The following GPC5 variants were observed in gnomAD, a reference collection of about 807,000 sequenced individuals.
The protein encoded by GPC5 is glypican-5.
Under a neutral mutation model 53.9 loss-of-function variants are expected in GPC5, and 47 were observed. That is an observed-to-expected ratio of 0.87 (90% confidence interval 0.69 to 1.11). GPC5 has a LOEUF of 1.11. Among genes scored for constraint, GPC5 ranks in the 50% most tolerant of loss-of-function variants. The pLI is 0.00. For synonymous variants in GPC5, 286 were observed against 263.3 expected, an observed-to-expected ratio of 1.09 and a Z score of -0.84; for missense variants, 748 against 713.1, an observed-to-expected ratio of 1.05 and a Z score of -0.56.
chr13:92,476,443 G>C (rs1222365703), intron 7 of GPC5, among the ~76,000 whole-genome samples: 3 of 151,428 alleles, frequency 2.0e-5, no homozygotes, highest in South Asian at 2.1e-4. Context: ...TACACTGTTG[G>C]TGGGACTGTA....
intron 7 of GPC5, among the ~76,000 whole-genome samples, chr13:92,170,363 TAAGATAGGACTTCCTATACCCACAAAGC>T (rs2042060709): frequency 6.6e-6 from 1 of 151,250 alleles, no homozygotes; most frequent in Non-Finnish European, 1.5e-5. Flanking sequence ...CATTTTTTTC[TAAGATAGGACTTCCTATACCCACAAAGC>T]AAGTTTTTCT....
At chr13:92,104,829 T>A (rs935493395) in intron 6 of GPC5, among the ~76,000 whole-genome samples, 3 of 152,124 alleles carry the variant, frequency 2.0e-5, no homozygotes, top group African/African-American at 7.2e-5. Flanking sequence ...TTGGTAAATT[T>A]GGGGTGACAG....
intron 7 of GPC5, among the ~76,000 whole-genome samples, chr13:92,634,520 A>G (rs1885353745): frequency 6.6e-6 from 1 of 152,014 alleles, no homozygotes; most frequent in Admixed American, 6.6e-5. Context: ...TCTTTCTCCA[A>G]TTTTACTTTT....
intron 6 of GPC5, among the ~76,000 whole-genome samples, chr13:92,049,502 A>G (rs1462835091): frequency 1.3e-5 from 2 of 152,118 alleles, no homozygotes; most frequent in African/African-American, 4.8e-5. Context: ...GAAATTATAG[A>G]TGTTTATGTA....
intron 5 of GPC5, among the ~76,000 whole-genome samples, chr13:91,905,766 C>T (rs2039546499): frequency 6.6e-6 from 1 of 152,012 alleles, no homozygotes; most frequent in Non-Finnish European, 1.5e-5. Flanking sequence ...TAGTGCAATA[C>T]TCTGCTCAAA....
At chr13:91,941,075 A>G (rs984414324) in intron 6 of GPC5, among the ~76,000 whole-genome samples, 3 of 152,116 alleles carry the variant, frequency 2.0e-5, no homozygotes, top group Non-Finnish European at 2.9e-5. Flanking sequence ...GCCAAGGCTA[A>G]TGTTAAGAAG....
chr13:92,053,403 G>T lies in GPC5; in HGVS notation c.1402-91427G>T, dbSNP rs141762280. Among the ~76,000 whole-genome samples, 767 of 152,240 alleles carry T rather than the reference G, an allele frequency of 5.0e-3. 22 individuals carry two copies. In the East Asian group the frequency reaches 0.078, roughly 15 times the overall value. ...GTCAGCAGAGGGTCTGAGCACAAAC[G>T]TTTGGGCCCATGAAGGTACTGAGCC... On this transcript the variant is annotated intron_variant, in intron 6 of 7. Transcript: ENST00000377067.
At chr13:92,515,926 T>C (rs1293465524) in intron 7 of GPC5, among the ~76,000 whole-genome samples, 1 of 152,206 alleles carries the variant, frequency 6.6e-6, no homozygotes, top group African/African-American at 2.4e-5. Flanking sequence ...CACATTTCTT[T>C]TCATGAATAT....
chr13:92,697,225 T>C (rs1053766245), intron 7 of GPC5, among the ~76,000 whole-genome samples: 1 of 152,188 alleles, frequency 6.6e-6, no homozygotes, highest in African/African-American at 2.4e-5. Context: ...TTTTTTCCAA[T>C]TCTGTGAAGA....
intron 6 of GPC5, among the ~76,000 whole-genome samples, chr13:91,968,994 G>A (rs888380440): frequency 6.6e-6 from 1 of 150,640 alleles, no homozygotes; most frequent in African/African-American, 2.4e-5. Flanking sequence ...TTGAGATGGA[G>A]TCTCCACTCT....
chr13:91,696,076 G>T (rs916371281), intron 3 of GPC5, among the ~76,000 whole-genome samples: 6 of 152,078 alleles, frequency 3.9e-5, no homozygotes, highest in African/African-American at 1.4e-4. Context: ...GGACAGTGTT[G>T]GTCAGAGTCT....
At chr13:92,643,628 C>G (rs546563414) in intron 7 of GPC5, among the ~76,000 whole-genome samples, 1 of 140,344 alleles carries the variant, frequency 7.1e-6, no homozygotes, top group African/African-American at 2.6e-5. Context: ...ATCGCAAGAA[C>G]AAAAAACCAA....
intron 7 of GPC5, among the ~76,000 whole-genome samples, chr13:92,490,572 T>A (rs1477714766): frequency 6.6e-6 from 1 of 152,066 alleles, no homozygotes; most frequent in Non-Finnish European, 1.5e-5. Context: ...TATCCTGAGT[T>A]CTAAAATAAA....
chr13:92,816,291 G>T (rs1182418576), intron 7 of GPC5, among the ~76,000 whole-genome samples: 1 of 152,032 alleles, frequency 6.6e-6, no homozygotes, highest in Non-Finnish European at 1.5e-5. Context: ...ATGTAACTCT[G>T]GGTCTGTTGG....
intron 7 of GPC5, among the ~76,000 whole-genome samples, chr13:92,792,981 C>G (rs1343284779): frequency 6.6e-6 from 1 of 152,096 alleles, no homozygotes; most frequent in East Asian, 1.9e-4. Flanking sequence ...ATGAACGAGA[C>G]AGAAGGTTAT....
At chr13:91,880,174 T>C (rs2039248932) in intron 5 of GPC5, among the ~76,000 whole-genome samples, 1 of 152,102 alleles carries the variant, frequency 6.6e-6, no homozygotes, top group East Asian at 1.9e-4. Flanking sequence ...CTATTTAACA[T>C]TTTTAAAATT....
At chr13:92,592,531 G>A (rs1883747334) in intron 7 of GPC5, among the ~76,000 whole-genome samples, 1 of 151,196 alleles carries the variant, frequency 6.6e-6, no homozygotes, top group Non-Finnish European at 1.5e-5. Context: ...TTAACCCTTT[G>A]TGGAGCTTAC....
At chr13:91,706,566 T>C (rs1409883724) in intron 3 of GPC5, among the ~76,000 whole-genome samples, 1 of 152,170 alleles carries the variant, frequency 6.6e-6, no homozygotes, top group African/African-American at 2.4e-5. Context: ...TTTTGGAAAT[T>C]ATACTTTGAC....
chr13:91,758,757 C>T (rs1023482750), intron 5 of GPC5, among the ~76,000 whole-genome samples: 14 of 152,226 alleles, frequency 9.2e-5, no homozygotes, highest in Admixed American at 3.3e-4. Flanking sequence ...TTTCCTGTAC[C>T]ACCACAGACT....
Sources: allele counts gnomAD v4.1 joint callset (sites outside exome capture counted in the v4.1 genomes callset), GRCh38; gene constraint gnomAD v4.1.1; transcripts MANE v1.5; gene names NCBI Gene and HGNC (gene_info 2026-07-23, HGNC 2026-07-21).